Variants in IKZF2 observed in about 807,000 individuals in gnomAD.
The protein encoded by IKZF2 is zinc finger protein Helios.
A neutral mutation model predicts 49.2 loss-of-function variants in IKZF2; 15 were observed. That is an observed-to-expected ratio of 0.30 (90% confidence interval 0.20 to 0.47). The LOEUF (loss-of-function observed/expected upper bound fraction) is 0.47. Among genes scored for constraint, IKZF2 ranks in the 20% least tolerant of loss-of-function variants. IKZF2 has a pLI of 1.00. For synonymous variants in IKZF2, 227 were observed against 221.4 expected, an observed-to-expected ratio of 1.03 and a Z score of -0.23; for missense variants, 567 against 664.6, an observed-to-expected ratio of 0.85 and a Z score of 1.61.
chr2:213,073,555 G>C (rs1347838880), intron 4 of IKZF2, among the ~76,000 whole-genome samples: 1 of 152,180 alleles, frequency 6.6e-6, no homozygotes, highest in Non-Finnish European at 1.5e-5. Context: ...ACCTTTGAAA[G>C]AGGTAACACT....
chr2:213,136,607 C>A (rs1574971961), intron 4 of IKZF2, among the ~76,000 whole-genome samples: 1 of 151,886 alleles, frequency 6.6e-6, no homozygotes, highest in East Asian at 1.9e-4. Flanking sequence ...GTAATCAGAG[C>A]TACTATCAGT....
intron 7 of IKZF2, among the ~76,000 whole-genome samples, chr2:213,017,318 A>C (rs1032822384): frequency 6.6e-6 from 1 of 152,144 alleles, no homozygotes; most frequent in African/African-American, 2.4e-5. Flanking sequence ...ACCCCTCTCA[A>C]GAGCTTGAGA....
Position 213,007,631 on chromosome 2 carries a change from A to G in IKZF2, c.1310T>C (p.Met437Thr), listed in dbSNP as rs759015477. Residue 437 changes from methionine (M) to threonine (T), a missense_variant, in exon 9 of 9, where the codon ATG becomes ACG. Met to Thr is a moderately conservative substitution (Grantham distance 81). Coordinates refer to ENST00000434687, the MANE Select transcript of IKZF2 (RefSeq NM_001387220.1). ...NPKRKQSPAYMKEDVKALDTT... is the reference protein window; with the variant it reads ...NPKRKQSPAYTKEDVKALDTT... ...ATCCAAAGCTTTGACATCCTCCTTC[A>G]TGTAAGCTGGGCTTTGTTTCCTCTT... The G allele has an allele frequency of 9.9e-6, 16 of 1,613,636 alleles. No homozygotes were observed. The highest frequency in any genetic ancestry group is 1.4e-5 in the Non-Finnish European group (16 of 1,179,716).
intron 4 of IKZF2, among the ~76,000 whole-genome samples, chr2:213,132,030 AG>A (rs2060489532): frequency 1.3e-5 from 2 of 152,230 alleles, no homozygotes; most frequent in African/African-American, 4.8e-5. Flanking sequence ...AAAATGTATT[AG>A]GCCCTGTGAT....
At chr2:213,077,816 C>T (rs1466503937) in intron 4 of IKZF2, among the ~76,000 whole-genome samples, 1 of 152,030 alleles carries the variant, frequency 6.6e-6, no homozygotes, top group Non-Finnish European at 1.5e-5. Context: ...TCTCGATCTC[C>T]TGACCTCGTG....
chr2:213,110,309 G>C (rs2059660159), intron 4 of IKZF2, among the ~76,000 whole-genome samples: 1 of 151,618 alleles, frequency 6.6e-6, no homozygotes, highest in Non-Finnish European at 1.5e-5. Flanking sequence ...CTGCTCAGCT[G>C]TCATCCCTCT....
At chr2:213,093,524 A>C (rs1705595201) in intron 4 of IKZF2, among the ~76,000 whole-genome samples, 2 of 152,156 alleles carry the variant, frequency 1.3e-5, no homozygotes, top group African/African-American at 4.8e-5. Context: ...TGTTCTTTTT[A>C]ATTATAATGT....
intron 8 of IKZF2, among the ~76,000 whole-genome samples, chr2:213,011,223 C>T (rs1695915013): frequency 6.6e-6 from 1 of 151,954 alleles, no homozygotes; most frequent in Non-Finnish European, 1.5e-5. Flanking sequence ...CACAGAGATT[C>T]TTTCAACAAT....
chr2:213,019,759 AGCTTCAGCACCACCTGTAAAGGGCCTGT>A (rs1277142802), intron 7 of IKZF2, among the ~76,000 whole-genome samples: 3 of 152,222 alleles, frequency 2.0e-5, no homozygotes, highest in African/African-American at 7.2e-5. Flanking sequence ...ACTTGGTTCC[AGCTTCAGCACCACCTGTAAAGGGCCTGT>A]GCCTACGGAG....
rs2060898971 is a variant in IKZF2 at position 213,142,204 on chromosome 2, T to C, written c.139+5504A>G. Reference sequence around the variant, plus strand: ...ACATATCATCAAAACCACAAAACTATACTCAGGAATGTTGAGCGCCACCCC... The same window carrying C: ...ACATATCATCAAAACCACAAAACTACACTCAGGAATGTTGAGCGCCACCCC... On this transcript the variant is annotated intron_variant, in intron 4 of 8. Coordinates refer to ENST00000434687, the MANE Select transcript of IKZF2 (RefSeq NM_001387220.1). Among the ~76,000 whole-genome samples, 4 of 151,956 alleles carry C rather than the reference T, an allele frequency of 2.6e-5. No homozygotes were observed. In the South Asian group the frequency reaches 8.3e-4, roughly 31 times the overall value.
At chr2:213,115,077 T>C (rs2059826487) in intron 4 of IKZF2, among the ~76,000 whole-genome samples, 2 of 152,196 alleles carry the variant, frequency 1.3e-5, no homozygotes, top group Non-Finnish European at 2.9e-5. Flanking sequence ...TGCTGGATGA[T>C]GGCAGCTGTG....
intron 6 of IKZF2, among the ~76,000 whole-genome samples, chr2:213,046,790 C>G (rs1700191794): frequency 6.6e-6 from 1 of 151,976 alleles, no homozygotes; most frequent in Non-Finnish European, 1.5e-5. Flanking sequence ...GTAGTGAAGG[C>G]TGTTAGTAAT....
intron 6 of IKZF2, among the ~76,000 whole-genome samples, chr2:213,046,054 C>T (rs557075282): frequency 1.1e-4 from 14 of 126,584 alleles, no homozygotes; most frequent in South Asian, 1.0e-3. Context: ...GTAGATCCCT[C>T]GTGGTTTTAT....
intron 8 of IKZF2, among the ~76,000 whole-genome samples, chr2:213,008,378 T>A (rs1208613681): frequency 2.0e-5 from 3 of 151,738 alleles, no homozygotes; most frequent in Admixed American, 6.6e-5. Context: ...ATTACAGGCA[T>A]GCGCCCCCAT....
intron 5 of IKZF2, among the ~76,000 whole-genome samples, chr2:213,053,468 C>T (rs1402133778): frequency 1.3e-5 from 2 of 152,090 alleles, no homozygotes; most frequent in African/African-American, 4.8e-5. Flanking sequence ...ATATATGCAT[C>T]AACTTGCTTT....
chr2:213,122,220 C>T (rs1294435434), intron 4 of IKZF2, among the ~76,000 whole-genome samples: 2 of 152,214 alleles, frequency 1.3e-5, no homozygotes, highest in Non-Finnish European at 2.9e-5. Context: ...AGATGCAGTT[C>T]AGTCACGTTC....
chr2:213,088,932 G>A (rs1704985187), intron 4 of IKZF2, among the ~76,000 whole-genome samples: 1 of 152,110 alleles, frequency 6.6e-6, no homozygotes, highest in Non-Finnish European at 1.5e-5. Context: ...TATAAGTGAG[G>A]ACACTAAGTC....
intron 4 of IKZF2, among the ~76,000 whole-genome samples, chr2:213,143,476 T>C (rs549518127): frequency 4.6e-5 from 7 of 152,104 alleles, no homozygotes; most frequent in South Asian, 4.1e-4. Flanking sequence ...TCCTTTTTTT[T>C]CCCTTTTTTT....
At position 213,150,207 on chromosome 2, in the gene IKZF2, A is replaced by G. The variant is rs1342858303; in HGVS notation, c.-79T>C. The G allele has an allele frequency of 1.2e-5, 16 of 1,300,264 alleles. No homozygotes were observed. Among genetic ancestry groups the G allele is most frequent in the Non-Finnish European group, 1.5e-5 (15 of 985,138 alleles). The allele number at this position is 1,300,264 out of a possible 1,614,324, so 80.5% of individuals were successfully genotyped here. On this transcript the variant is annotated 5_prime_UTR_variant, in exon 2 of 9. Coordinates refer to ENST00000434687, the MANE Select transcript of IKZF2 (RefSeq NM_001387220.1). Reference sequence around the variant, plus strand: ...ATTTCCAGCTCTGTCGGGAGATCTCAGCTTCTTCTAACCCCTCAAAGAGGA... The same window carrying G: ...ATTTCCAGCTCTGTCGGGAGATCTCGGCTTCTTCTAACCCCTCAAAGAGGA...
Sources: allele counts gnomAD v4.1 joint callset (sites outside exome capture counted in the v4.1 genomes callset), GRCh38; gene constraint gnomAD v4.1.1; transcripts MANE v1.5; gene names NCBI Gene and HGNC (gene_info 2026-07-23, HGNC 2026-07-21).